The following PCDHB13 variants were observed in gnomAD, a reference collection of about 807,000 sequenced individuals.
The protein encoded by PCDHB13 is protocadherin beta 13, also known as protocadherin beta-13.
For missense variants in PCDHB13, 1,065 were observed against 1,016.7 expected (o/e 1.05, Z -0.65); for synonymous variants, 515 against 450.7 (o/e 1.14, Z -1.81).
chr5:141,216,487 C>T lies in PCDHB13; in HGVS notation c.2364C>T (p.Thr788=). 10 of 1,613,976 alleles carry T rather than the reference C, an allele frequency of 6.2e-6. No individual in the cohort carries two copies. The highest frequency in any genetic ancestry group is 8.5e-6 in the Non-Finnish European group (10 of 1,179,976). The change falls in exon 1 of 1, where the codon ACC becomes ACT. Residue 788 remains threonine (T), a synonymous_variant. Coordinates refer to ENST00000341948, the MANE Select transcript of PCDHB13 (RefSeq NM_018933.4). The stretch of plus-strand genomic sequence containing the variant: ...GGAAAGAAATACAAGGAAATTCTAC[C>T]TTCCCCAATAACTTTGGGTTCAATA... ...CPGKEIQGNS[T]FPNNFGFNIQ
chr5:141,215,274 G>T lies in PCDHB13; in HGVS notation c.1151G>T (p.Cys384Phe). 6.2e-7 allele frequency: 1 copy of T among 1,614,030 alleles called. No homozygotes were observed. Reference protein sequence around the residue: ...LDSGENGKISCSIQEDLPFLL... With the variant: ...LDSGENGKISFSIQEDLPFLL... ...TCAGGAGAAAATGGGAAAATTAGTT[G>T]CTCCATTCAGGAGGATCTACCCTTC... The change falls in exon 1 of 1, where the codon TGC becomes TTC. Residue 384 changes from cysteine to phenylalanine, a missense_variant. Physicochemically the swap from Cys to Phe is radical, Grantham distance 205. Coordinates refer to ENST00000341948, the MANE Select transcript of PCDHB13 (RefSeq NM_018933.4).
At position 141,218,773 on chromosome 5, in the gene PCDHB13, T is replaced by A. The variant is rs1258836757; in HGVS notation, c.*2253T>A. On this transcript the variant is annotated 3_prime_UTR_variant, in exon 1 of 1. Coordinates refer to ENST00000341948, the MANE Select transcript of PCDHB13 (RefSeq NM_018933.4). Reference sequence around the variant, plus strand: ...TCCCGAGTAGCACCCCCAGCTATTTTAAAAAAAATTTTTGTAGAGATGGGT... The same window carrying A: ...TCCCGAGTAGCACCCCCAGCTATTTAAAAAAAAATTTTTGTAGAGATGGGT... 3 of 166,298 alleles carry A rather than the reference T, an allele frequency of 1.8e-5. No homozygotes were observed. The highest frequency in any genetic ancestry group is 2.9e-5 in the Non-Finnish European group (2 of 68,138). The allele number at this position is 166,298 out of a possible 1,614,324, so 10.3% of individuals were successfully genotyped here. A position where few individuals can be genotyped will look rare whatever the true frequency, so the allele number is the denominator to read the frequency against.
In PCDHB13 at chr5:141,216,612, GTACGGATT is replaced by G. The variant is rs1754623220; in HGVS notation, c.*96_*103del. On this transcript the variant is annotated 3_prime_UTR_variant, in exon 1 of 1. Transcript: ENST00000341948. ...CCCCAATTTGTGTGTATGTAATATTGTACGGATTTACTCTTGATTTTTCTCATGTTCTT... is the reference window on the plus strand; with the variant it reads ...CCCCAATTTGTGTGTATGTAATATTGTACTCTTGATTTTTCTCATGTTCTT... 1 of 1,088,906 alleles carries G rather than the reference GTACGGATT, an allele frequency of 9.2e-7. No individual in the cohort carries two copies. The allele number at this position is 1,088,906 out of a possible 1,614,324, so 67.5% of individuals were successfully genotyped here. A position where few individuals can be genotyped will look rare whatever the true frequency, so the allele number is the denominator to read the frequency against.
At position 141,215,379 on chromosome 5, in the gene PCDHB13, T is replaced by A; in HGVS notation, c.1256T>A (p.Ile419Asn). The A allele has an allele frequency of 6.2e-7, 1 of 1,614,044 alleles. No individual in the cohort carries two copies. The highest frequency in any genetic ancestry group is 2.2e-5 in the East Asian group (1 of 44,862). Reference sequence around the variant, plus strand: ...AGAGAAAGCAGAGCGGAATACAACATCACTATCACTGTCACTGACTTGGGG... The same window carrying A: ...AGAGAAAGCAGAGCGGAATACAACAACACTATCACTGTCACTGACTTGGGG... ...LDRESRAEYN[I>N]TITVTDLGTP... The change falls in exon 1 of 1, where the codon ATC becomes AAC. Residue 419 changes from isoleucine (I) to asparagine (N), a missense_variant. Ile to Asn is a moderately radical substitution (Grantham distance 149). Coordinates refer to ENST00000341948, the MANE Select transcript of PCDHB13 (RefSeq NM_018933.4).
At position 141,215,720 on chromosome 5, in the gene PCDHB13, G is replaced by C. The variant is rs371939349; in HGVS notation, c.1597G>C (p.Ala533Pro). 4 of 1,612,540 alleles carry C rather than the reference G, an allele frequency of 2.5e-6. No homozygotes were observed. Among genetic ancestry groups the C allele is most frequent in the Non-Finnish European group, 3.4e-6 (4 of 1,179,870 alleles). Residue 533 changes from alanine to proline, a missense_variant, in exon 1 of 1, where the codon GCT (alanine) becomes CCT (proline). Coordinates refer to ENST00000341948, the MANE Select transcript of PCDHB13 (RefSeq NM_018933.4). ...GCAGGGGTTCCAGTTCCGCGTGGGC[G>C]CTTCAGACCACGGCTCCCCGGCGCT... Reference protein sequence around the residue: ...ALQGFQFRVGASDHGSPALSS... With the variant: ...ALQGFQFRVGPSDHGSPALSS...
Position 141,216,070 on chromosome 5 carries a change from G to T in PCDHB13, c.1947G>T (p.Glu649Asp), listed in dbSNP as rs782393751. 2.2e-5 allele frequency: 36 copies of T among 1,605,918 alleles called. No homozygotes were observed. The African/African-American group carries it at 3.5e-4, about 15-fold the overall frequency. Residue 649 changes from glutamate to aspartate, a missense_variant, in exon 1 of 1, where the codon GAG becomes GAT. Physicochemically the swap from Glu to Asp is conservative, Grantham distance 45. Coordinates refer to ENST00000341948, the MANE Select transcript of PCDHB13 (RefSeq NM_018933.4). ...RLVVLVKDNG[E>D]PPRSATATLH... ...TGGTGCTGGTCAAGGACAATGGCGA[G>T]CCTCCGCGCTCGGCCACCGCCACGC...
At position 141,214,650 on chromosome 5, in the gene PCDHB13, A is replaced by T; in HGVS notation, c.527A>T (p.Asn176Ile). Reference protein sequence around the residue: ...NNIENYIISPNSYFRVLTRKR... With the variant: ...NNIENYIISPISYFRVLTRKR... ...ATTGAGAACTATATAATCAGCCCCAACTCCTATTTTCGGGTCCTCACCCGC... is the reference window on the plus strand; with the variant it reads ...ATTGAGAACTATATAATCAGCCCCATCTCCTATTTTCGGGTCCTCACCCGC... Residue 176 changes from asparagine to isoleucine, a missense_variant, in exon 1 of 1, where the codon AAC (asparagine) becomes ATC (isoleucine). Coordinates refer to ENST00000341948, the MANE Select transcript of PCDHB13 (RefSeq NM_018933.4). 6.2e-7 allele frequency: 1 copy of T among 1,613,974 alleles called. No homozygotes were observed. Among genetic ancestry groups the T allele is most frequent in the Non-Finnish European group, 8.5e-7 (1 of 1,180,000 alleles).
Position 141,217,162 on chromosome 5 carries a change from A to T in PCDHB13, c.*642A>T. On this transcript the variant is annotated 3_prime_UTR_variant, in exon 1 of 1. Coordinates refer to ENST00000341948, the MANE Select transcript of PCDHB13 (RefSeq NM_018933.4). ...TCACAGAATCTGGGAATATGAAGCT[A>T]TAATTTTTTAATTAATGTCACAAAG... 6.0e-6 allele frequency: 1 copy of T among 167,458 alleles called. No individual in the cohort carries two copies. The allele number at this position is 167,458 out of a possible 1,614,324, so 10.4% of individuals were successfully genotyped here. A position where few individuals can be genotyped will look rare whatever the true frequency, so the allele number is the denominator to read the frequency against.
Position 141,218,494 on chromosome 5 carries a change from A to C in PCDHB13, c.*1974A>C, listed in dbSNP as rs1201836486. ...GTCTTAGTCACCTAGGCTGGAGTGC[A>C]GTGGTGCAATCATAGCTCACTGAAG... On this transcript the variant is annotated 3_prime_UTR_variant, in exon 1 of 1. Transcript: ENST00000341948. 1.3e-4 allele frequency: 20 copies of C among 155,686 alleles called. No individual in the cohort carries two copies. Among genetic ancestry groups the C allele is most frequent in the African/African-American group, 4.6e-4 (19 of 41,270 alleles). 9.6% of individuals were successfully genotyped at this position (155,686 alleles called of 1,614,324 possible). A position where few individuals can be genotyped will look rare whatever the true frequency, so the allele number is the denominator to read the frequency against.
rs140037938 is a variant in PCDHB13 at position 141,215,610 on chromosome 5, C to G, written c.1487C>G (p.Pro496Arg). 21 of 1,613,478 alleles carry G rather than the reference C, an allele frequency of 1.3e-5. No homozygotes were observed. The highest frequency in any genetic ancestry group is 1.8e-4 in the Middle Eastern group (1 of 5,512). ...TACTCGCTGCTGCCGCCCCAGGACC[C>G]GCACCTGCCCCTCACATCCCTGGTC... is the stretch of plus-strand genomic sequence containing the variant. ...VTYSLLPPQD[P>R]HLPLTSLVSI... The change falls in exon 1 of 1, where the codon CCG becomes CGG. Residue 496 changes from proline to arginine, a missense_variant. Transcript: ENST00000341948.
Position 141,215,583 on chromosome 5 carries a change from C to A in PCDHB13, c.1460C>A (p.Thr487Asn), listed in dbSNP as rs552627957. ...GACTCAGGCACCAACGCCCAGGTCACCTACTCGCTGCTGCCGCCCCAGGAC... is the reference window on the plus strand; with the variant it reads ...GACTCAGGCACCAACGCCCAGGTCAACTACTCGCTGCTGCCGCCCCAGGAC... ...DRDSGTNAQV[T>N]YSLLPPQDPH... is the part of the protein sequence containing the mutation. The change falls in exon 1 of 1, where the codon ACC becomes AAC. Residue 487 changes from threonine (T) to asparagine (N), a missense_variant. Transcript: ENST00000341948. 85 of 1,613,512 alleles carry A rather than the reference C, an allele frequency of 5.3e-5. No individual in the cohort carries two copies. Among genetic ancestry groups the A allele is most frequent in the Middle Eastern group, 3.6e-4 (2 of 5,536 alleles).
rs781819531 is a variant in PCDHB13, at chr5:141,216,160, C to A, written c.2037C>A (p.Thr679=). 1.2e-6 allele frequency: 2 copies of A among 1,612,024 alleles called. No homozygotes were observed. The highest frequency in any genetic ancestry group is 1.7e-5 in the Admixed American group (1 of 60,024). The change falls in exon 1 of 1, where the codon ACC becomes ACA. Residue 679 remains threonine, a synonymous_variant. Coordinates refer to ENST00000341948, the MANE Select transcript of PCDHB13 (RefSeq NM_018933.4). ...TGCCTCTCCCGGAGGCGGCCCCGAC[C>A]CAGGCCCAGGCCGACTTGCTCACCG... ...PYLPLPEAAP[T]QAQADLLTVY...
At position 141,215,048 on chromosome 5, in the gene PCDHB13, G is replaced by A. The variant is rs782262286; in HGVS notation, c.925G>A (p.Asp309Asn). Reference sequence around the variant, plus strand: ...AGAAATTGAACTAAAAAAACAACTCGATTTCGAAAAACTTCAGTCCTATGA... The same window carrying A: ...AGAAATTGAACTAAAAAAACAACTCAATTTCGAAAAACTTCAGTCCTATGA... ...TGEIELKKQL[D>N]FEKLQSYEVN... Residue 309 changes from aspartate (D) to asparagine (N), a missense_variant, in exon 1 of 1, where the codon GAT becomes AAT. By Grantham distance (23) the Asp-to-Asn change is conservative (BLOSUM62 1). Transcript: ENST00000341948. 1.9e-6 allele frequency: 3 copies of A among 1,613,902 alleles called. No individual in the cohort carries two copies. Among genetic ancestry groups the A allele is most frequent in the Non-Finnish European group, 2.5e-6 (3 of 1,180,008 alleles).
chr5:141,216,180 T>C lies in PCDHB13; in HGVS notation c.2057T>C (p.Leu686Pro). The change falls in exon 1 of 1, where the codon CTC (leucine) becomes CCC (proline). Residue 686 changes from leucine (L) to proline (P), a missense_variant. Physicochemically the swap from Leu to Pro is moderately conservative, Grantham distance 98. Coordinates refer to ENST00000341948, the MANE Select transcript of PCDHB13 (RefSeq NM_018933.4). ...AAPTQAQADL[L>P]TVYLVVALAS... ...CCGACCCAGGCCCAGGCCGACTTGC[T>C]CACCGTCTACCTGGTGGTGGCGTTG... 6.2e-7 allele frequency: 1 copy of C among 1,612,456 alleles called. No individual in the cohort carries two copies. The highest frequency in any genetic ancestry group is 1.3e-5 in the African/African-American group (1 of 75,018).
Position 141,216,409 on chromosome 5 carries a change from T to C in PCDHB13, c.2286T>C (p.Asn762=), listed in dbSNP as rs782791339. 1 of 1,614,106 alleles carries C rather than the reference T, an allele frequency of 6.2e-7. No homozygotes were observed. Among genetic ancestry groups the C allele is most frequent in the South Asian group, 1.1e-5 (1 of 91,086 alleles). ...GTCTGGCAGGAGGCTCAGGGACCAA[T>C]GAGTTCAAGTTCCTGAAGCCGATTA... The part of the protein sequence containing the change: ...EVCLAGGSGT[N]EFKFLKPIIP... The change falls in exon 1 of 1, where the codon AAT becomes AAC. Residue 762 remains asparagine (N), a synonymous_variant. Transcript: ENST00000341948.
Position 141,216,852 on chromosome 5 carries a change from G to T in PCDHB13, c.*332G>T. 6.0e-6 allele frequency: 2 copies of T among 332,446 alleles called. No individual in the cohort carries two copies. The highest frequency in any genetic ancestry group is 3.2e-5 in the South Asian group (1 of 30,908). The allele number at this position is 332,446 out of a possible 1,614,324, so 20.6% of individuals were successfully genotyped here. A position where few individuals can be genotyped will look rare whatever the true frequency, so the allele number is the denominator to read the frequency against. ...TAAAATTAAATAGAGCAATTTGGAAGTGATTCCAATTTTCCAGCATTTCTT... is the reference window on the plus strand; with the variant it reads ...TAAAATTAAATAGAGCAATTTGGAATTGATTCCAATTTTCCAGCATTTCTT... On this transcript the variant is annotated 3_prime_UTR_variant, in exon 1 of 1. Coordinates refer to ENST00000341948, the MANE Select transcript of PCDHB13 (RefSeq NM_018933.4).
At position 141,216,621 on chromosome 5, in the gene PCDHB13, T is replaced by C; in HGVS notation, c.*101T>C. The stretch of plus-strand genomic sequence containing the variant: ...GTGTGTATGTAATATTGTACGGATT[T>C]ACTCTTGATTTTTCTCATGTTCTTT... On this transcript the variant is annotated 3_prime_UTR_variant, in exon 1 of 1. Coordinates refer to ENST00000341948, the MANE Select transcript of PCDHB13 (RefSeq NM_018933.4). The C allele has an allele frequency of 4.9e-6, 5 of 1,027,762 alleles. No homozygotes were observed. The highest frequency in any genetic ancestry group is 7.7e-6 in the Non-Finnish European group (5 of 645,362). 63.7% of individuals were successfully genotyped at this position (1,027,762 alleles called of 1,614,324 possible).
chr5:141,216,314 C>T lies in PCDHB13; in HGVS notation c.2191C>T (p.Pro731Ser). The change falls in exon 1 of 1, where the codon CCC (proline) becomes TCC (serine). Residue 731 changes from proline to serine, a missense_variant. Coordinates refer to ENST00000341948, the MANE Select transcript of PCDHB13 (RefSeq NM_018933.4). ...SVGRCLVPEGPLPGHLVDMSG... is the reference protein window; with the variant it reads ...SVGRCLVPEGSLPGHLVDMSG... Reference sequence around the variant, plus strand: ...GGGTCGCTGCTTGGTGCCCGAGGGCCCCCTTCCAGGGCATCTTGTGGACAT... The same window carrying T: ...GGGTCGCTGCTTGGTGCCCGAGGGCTCCCTTCCAGGGCATCTTGTGGACAT... The T allele has an allele frequency of 6.2e-7, 1 of 1,614,108 alleles. No individual in the cohort carries two copies. Among genetic ancestry groups the T allele is most frequent in the Non-Finnish European group, 8.5e-7 (1 of 1,180,014 alleles).
Position 141,215,399 on chromosome 5 carries a change from T to G in PCDHB13, c.1276T>G (p.Leu426Val), listed in dbSNP as rs782362770. Residue 426 changes from leucine (L) to valine (V), a missense_variant, in exon 1 of 1, where the codon TTG (leucine) becomes GTG (valine). Transcript: ENST00000341948. ...CAACATCACTATCACTGTCACTGACTTGGGGACCCCTATGCTGATAACACA... is the reference window on the plus strand; with the variant it reads ...CAACATCACTATCACTGTCACTGACGTGGGGACCCCTATGCTGATAACACA... ...EYNITITVTD[L>V]GTPMLITQLN... is the part of the protein sequence containing the mutation. 2 of 1,614,074 alleles carry G rather than the reference T, an allele frequency of 1.2e-6. No homozygotes were observed. The highest frequency in any genetic ancestry group is 1.7e-6 in the Non-Finnish European group (2 of 1,180,044).
Sources: gnomAD v4.1 joint callset for allele counts on GRCh38, gnomAD v4.1.1 for gene constraint, MANE v1.5 for transcripts, NCBI Gene and HGNC (gene_info 2026-07-23, HGNC 2026-07-21) for gene names.